PUM1: variants seen among roughly 807,000 people sequenced by gnomAD.
PUM1 encodes the protein pumilio RNA binding family member 1.
Under a neutral mutation model 131.8 loss-of-function variants are expected in PUM1, and 13 were observed. That is an observed-to-expected ratio of 0.10 (90% CI 0.06 to 0.16). PUM1 has a LOEUF of 0.16. PUM1 is among the 10% of genes least tolerant of loss of function. PUM1 has a pLI of 1.00. For synonymous variants in PUM1, 509 were observed against 556.5 expected, an observed-to-expected ratio of 0.91 and a Z score of 1.20; for missense variants, 961 against 1,512.4, an observed-to-expected ratio of 0.64 and a Z score of 6.05.
intron 12 of PUM1, among the ~76,000 whole-genome samples, chr1:30,966,560 C>A (rs1640627066): frequency 6.6e-6 from 1 of 152,174 alleles, no homozygotes; most frequent in African/African-American, 2.4e-5. Flanking sequence ...CCATTAAATA[C>A]AACTACTTCC....
At chr1:31,061,218 G>A (rs1055486798) in intron 1 of PUM1, among the ~76,000 whole-genome samples, 23 of 152,182 alleles carry the variant, frequency 1.5e-4, no homozygotes, top group African/African-American at 3.9e-4. Flanking sequence ...CAGCACCTTC[G>A]GAGACTTAGG....
At chr1:30,953,306 A>G (rs1245464399) in intron 15 of PUM1, among the ~76,000 whole-genome samples, 3 of 152,218 alleles carry the variant, frequency 2.0e-5, no homozygotes, top group Non-Finnish European at 4.4e-5. Flanking sequence ...CTTTCTGTGA[A>G]GCCCACTGCA....
chr1:30,966,170 T>C lies in PUM1; in HGVS notation c.1898A>G (p.Gln633Arg), dbSNP rs751717691. 1.9e-6 allele frequency: 3 copies of C among 1,614,086 alleles called. No individual in the cohort carries two copies. Among genetic ancestry groups the C allele is most frequent in the Non-Finnish European group, 2.5e-6 (3 of 1,180,002 alleles). ...LGTQQPQPQP[Q>R]QQPNNNLASS... ...TGCCAGGTTGTTATTGGGCTGCTGC[T>C]GGGGCTGGGGCTGAGGCTGCTGTGT... The change falls in exon 13 of 22, where the codon CAG becomes CGG. Residue 633 changes from glutamine (Q) to arginine (R), a missense_variant. Gln to Arg is a conservative substitution (Grantham distance 43). Coordinates refer to ENST00000426105, the MANE Select transcript of PUM1 (RefSeq NM_001020658.2).
chr1:31,049,434 T>C (rs952165303), intron 2 of PUM1, among the ~76,000 whole-genome samples: 1 of 151,566 alleles, frequency 6.6e-6, no homozygotes, highest in African/African-American at 2.4e-5. Flanking sequence ...AAGAAGTGCT[T>C]GAACCCAGGA....
At chr1:30,987,229 C>T (rs953755457) in intron 7 of PUM1, among the ~76,000 whole-genome samples, 5 of 148,986 alleles carry the variant, frequency 3.4e-5, no homozygotes, top group Non-Finnish European at 5.9e-5. Flanking sequence ...CGGCGTCTCA[C>T]TCTGTCGCCC....
At chr1:31,056,058 C>T (rs1365373184) in intron 2 of PUM1, among the ~76,000 whole-genome samples, 1 of 152,092 alleles carries the variant, frequency 6.6e-6, no homozygotes, top group Non-Finnish European at 1.5e-5. Context: ...CAAATACCTC[C>T]TACCTTGATT....
intron 2 of PUM1, among the ~76,000 whole-genome samples, chr1:31,051,611 T>C (rs1313208583): frequency 3.3e-4 from 2 of 6,020 alleles, no homozygotes; most frequent in African/African-American, 1.1e-3. Flanking sequence ...CCTCACCCAC[T>C]GATTTTTTTT....
rs374274848 is a variant in PUM1, at chr1:30,942,192, TA to T, written c.2995-70del. 0.68 allele frequency: 107,998 copies of T among 159,928 alleles called. 30,588 individuals are homozygous for T. Among genetic ancestry groups the T allele is most frequent in the Non-Finnish European group, 0.7 (75,447 of 108,084 alleles). The allele number at this position is 159,928 out of a possible 1,614,324, so 9.9% of individuals were successfully genotyped here. A position where few individuals can be genotyped will look rare whatever the true frequency, so the allele number is the denominator to read the frequency against. On this transcript the variant is annotated intron_variant, in intron 18 of 21. Coordinates refer to ENST00000426105, the MANE Select transcript of PUM1 (RefSeq NM_001020658.2). ...CCACCTTCAATGCTTCAGTATTGTT[TA>T]TATATATATATATATATATATATAT...
chr1:30,992,265 A>G, intron 7 of PUM1, 125 bp downstream of exon 7: 1 of 1,301,746 alleles, frequency 7.7e-7, no homozygotes, highest in Non-Finnish European at 1.1e-6. Context: ...TAACAGGTTC[A>G]CAAGGGCTAG....
chr1:31,027,545 C>A (rs765740852), intron 3 of PUM1, among the ~76,000 whole-genome samples: 12 of 152,190 alleles, frequency 7.9e-5, no homozygotes, highest in Non-Finnish European at 1.3e-4. Context: ...ATCTCCCAAT[C>A]ATCTCCTAAA....
chr1:31,018,298 G>A (rs188380788), intron 3 of PUM1, among the ~76,000 whole-genome samples: 1,539 of 149,684 alleles, frequency 0.01, 20 homozygotes, highest in African/African-American at 0.035. Context: ...GCAGTGAGCC[G>A]AGATCTCGCC....
chr1:30,942,868 C>A (rs1166472748), intron 18 of PUM1, among the ~76,000 whole-genome samples: 2 of 152,170 alleles, frequency 1.3e-5, no homozygotes. Context: ...CCTCCTGCCT[C>A]AGCTTCCCAA....
chr1:30,988,052 A>G (rs1027665721), intron 7 of PUM1, among the ~76,000 whole-genome samples: 1 of 152,204 alleles, frequency 6.6e-6, no homozygotes. Flanking sequence ...TTTTTATACC[A>G]CTGGTTTCCT....
chr1:30,996,769 T>C (rs2124492950), intron 5 of PUM1, among the ~76,000 whole-genome samples: 1 of 152,338 alleles, frequency 6.6e-6, no homozygotes. Context: ...GAGATAGGAA[T>C]ATGATAGGGT....
chr1:30,958,235 G>C (rs1640252022), intron 14 of PUM1, among the ~76,000 whole-genome samples: 1 of 152,154 alleles, frequency 6.6e-6, no homozygotes, highest in African/African-American at 2.4e-5. Flanking sequence ...ATTTTGAGAA[G>C]ATAATACTTC....
chr1:30,981,248 C>A (rs1259703050), intron 8 of PUM1, 64 bp downstream of exon 8: 2 of 1,049,396 alleles, frequency 1.9e-6, no homozygotes, highest in Non-Finnish European at 2.8e-6. Context: ...GGTTTCACAG[C>A]AACCAGTTAT....
chr1:31,028,212 A>G (rs901096728), intron 3 of PUM1, among the ~76,000 whole-genome samples: 1 of 152,238 alleles, frequency 6.6e-6, no homozygotes. Flanking sequence ...TAAACATTAC[A>G]GTCAAAGCAA....
At chr1:30,943,854 T>C (rs955648079) in intron 18 of PUM1, among the ~76,000 whole-genome samples, 14 of 152,256 alleles carry the variant, frequency 9.2e-5, no homozygotes, top group African/African-American at 3.4e-4. Context: ...GCATTTTCCT[T>C]GTTCCTAATG....
Position 31,020,732 on chromosome 1 carries a change from T to C in PUM1, c.432+8064A>G, listed in dbSNP as rs950041668. On this transcript the variant is annotated intron_variant, in intron 3 of 21. Transcript: ENST00000426105. Reference sequence around the variant, plus strand: ...AAAAGACAAGGATCTCAACCCTGAGTTCCCCTTTTCCTTCATTATAGGAAA... The same window carrying C: ...AAAAGACAAGGATCTCAACCCTGAGCTCCCCTTTTCCTTCATTATAGGAAA... Among the ~76,000 whole-genome samples the C allele has an allele frequency of 4.6e-5, 7 of 152,160 alleles. No homozygotes were observed. The East Asian group carries it at 5.8e-4, about 13-fold the overall frequency.
Sources: allele counts gnomAD v4.1 joint callset (sites outside exome capture counted in the v4.1 genomes callset), GRCh38; gene constraint gnomAD v4.1.1; transcripts MANE v1.5; gene names NCBI Gene and HGNC (gene_info 2026-07-23, HGNC 2026-07-21).